The following APH1B variants were observed in gnomAD, a reference collection of about 807,000 sequenced individuals.
APH1B encodes gamma-secretase subunit APH-1B.
A neutral mutation model predicts 28.2 loss-of-function variants in APH1B; 27 were observed. That is an observed-to-expected ratio of 0.96 (90% confidence interval 0.70 to 1.32). The LOEUF is 1.32. APH1B is among the 40% of genes most tolerant of loss of function. The pLI is 0.00. For missense variants in APH1B, 305 were observed against 313.6 expected, an observed-to-expected ratio of 0.97 and a Z score of 0.21; for synonymous variants, 141 against 124.6, an observed-to-expected ratio of 1.13 and a Z score of -0.88.
In APH1B at chr15:63,279,289, A is replaced by G. The variant is rs748818637; in HGVS notation, c.242A>G (p.Tyr81Cys). The G allele has an allele frequency of 5.6e-6, 9 of 1,610,808 alleles. No homozygotes were observed. The highest frequency in any genetic ancestry group is 4.0e-5 in the African/African-American group (3 of 74,890). ...ATCTTTGGAGCGTTTGTCTCTGTCT[A>G]TATCCAAGAAATGTTCCGATTTGCA... is the stretch of plus-strand genomic sequence containing the variant. ...LLIFGAFVSVYIQEMFRFAYY... is the reference protein window; with the variant it reads ...LLIFGAFVSVCIQEMFRFAYY... The change falls in exon 2 of 6, where the codon TAT (tyrosine) becomes TGT (cysteine). Residue 81 changes from tyrosine to cysteine, a missense_variant. Tyr to Cys is a radical substitution (Grantham distance 194). Transcript: ENST00000261879.
chr15:63,299,332 C>T (rs1347860198), intron 4 of APH1B, among the ~76,000 whole-genome samples: 1 of 152,212 alleles, frequency 6.6e-6, no homozygotes, highest in Non-Finnish European at 1.5e-5. Context: ...TTGCCTAAAA[C>T]TCACAGTAAT....
chr15:63,300,016 A>G (rs1193324996), intron 4 of APH1B, among the ~76,000 whole-genome samples: 1 of 152,088 alleles, frequency 6.6e-6, no homozygotes, highest in Non-Finnish European at 1.5e-5. Flanking sequence ...TTCATATATT[A>G]TATGTGCATG....
chr15:63,307,171 T>TG lies in APH1B; in HGVS notation c.*1395dup, dbSNP rs1432753062. On this transcript the variant is annotated 3_prime_UTR_variant, in exon 6 of 6. Coordinates refer to ENST00000261879, the MANE Select transcript of APH1B (RefSeq NM_031301.4). ...GAGAGGAGCAGCAATCCTGAGGGGCTGGGGGAGTGACAGTGGCAGGACGGA... is the reference window on the plus strand; with the variant it reads ...GAGAGGAGCAGCAATCCTGAGGGGCTGGGGGGAGTGACAGTGGCAGGACGGA... 9 of 152,356 alleles carry TG rather than the reference T, an allele frequency of 5.9e-5. No individual in the cohort carries two copies. The highest frequency in any genetic ancestry group is 1.2e-4 in the Non-Finnish European group (8 of 68,046). 9.4% of individuals were successfully genotyped at this position (152,356 alleles called of 1,614,324 possible). A position where few individuals can be genotyped will look rare whatever the true frequency, so the allele number is the denominator to read the frequency against.
intron 2 of APH1B, among the ~76,000 whole-genome samples, chr15:63,281,653 A>G (rs1049562028): frequency 6.6e-6 from 1 of 151,974 alleles, no homozygotes; most frequent in Non-Finnish European, 1.5e-5. Flanking sequence ...GCTGTTCTTC[A>G]CTGCCTTGCA....
At chr15:63,303,208 C>A (rs2038651069) in intron 5 of APH1B, among the ~76,000 whole-genome samples, 2 of 152,176 alleles carry the variant, frequency 1.3e-5, no homozygotes, top group South Asian at 4.1e-4. Flanking sequence ...GTAACTAGCA[C>A]CTAGATGAAA....
intron 4 of APH1B, among the ~76,000 whole-genome samples, chr15:63,301,013 C>G (rs748194178): frequency 6.6e-6 from 1 of 152,208 alleles, no homozygotes; most frequent in African/African-American, 2.4e-5. Context: ...GTACGTTTCT[C>G]TAGAGCAATG....
Position 63,306,103 on chromosome 15 carries a change from C to T in APH1B, c.*322C>T, listed in dbSNP as rs201298219. 3.6e-4 allele frequency: 81 copies of T among 224,910 alleles called. 1 individual carries two copies. In the South Asian group the frequency reaches 5.6e-3, roughly 16 times the overall value. 13.9% of individuals were successfully genotyped at this position (224,910 alleles called of 1,614,324 possible). ...TCTGATGTGCAGCCATGTTGAGACC[C>T]ACTGGTTTGGTATCCAAATAGGAGC... On this transcript the variant is annotated 3_prime_UTR_variant, in exon 6 of 6. Coordinates refer to ENST00000261879, the MANE Select transcript of APH1B (RefSeq NM_031301.4).
In APH1B at chr15:63,304,070, G is replaced by A. The variant is rs999676928; in HGVS notation, c.607-1544G>A. On this transcript the variant is annotated intron_variant, in intron 5 of 5. Transcript: ENST00000261879. The surrounding 1 kb of genome is among the most constrained non-coding windows in gnomAD (Gnocchi z 5.1). Reference sequence around the variant, plus strand: ...ACCTCCTCACTGCATTCTCTTTATTGTTAGTCGTCCTGCTGGCTATGTCAT... The same window carrying A: ...ACCTCCTCACTGCATTCTCTTTATTATTAGTCGTCCTGCTGGCTATGTCAT... Among the ~76,000 whole-genome samples, 1 of 152,042 alleles carries A rather than the reference G, an allele frequency of 6.6e-6. No individual in the cohort carries two copies. The highest frequency in any genetic ancestry group is 2.4e-5 in the African/African-American group (1 of 41,378).
rs749408195 is a variant in APH1B at position 63,277,721 on chromosome 15, T to C, written c.98T>C (p.Ile33Thr). ...FTIATEPLRI[I>T]FLIAGAFFWL... ...ATCGCCACCGAGCCGTTGCGTATCATCTTCCTCATCGCCGGGTGAGGCGGT... is the reference window on the plus strand; with the variant it reads ...ATCGCCACCGAGCCGTTGCGTATCACCTTCCTCATCGCCGGGTGAGGCGGT... The change falls in exon 1 of 6, where the codon ATC becomes ACC. Residue 33 changes from isoleucine to threonine, a missense_variant. Physicochemically the swap from Ile to Thr is moderately conservative, Grantham distance 89. Transcript: ENST00000261879. 9 of 1,610,534 alleles carry C rather than the reference T, an allele frequency of 5.6e-6. No homozygotes were observed. The highest frequency in any genetic ancestry group is 7.6e-6 in the Non-Finnish European group (9 of 1,178,548).
chr15:63,296,456 G>A (rs573984063), intron 4 of APH1B, among the ~76,000 whole-genome samples: 1 of 152,190 alleles, frequency 6.6e-6, no homozygotes, highest in Non-Finnish European at 1.5e-5. Context: ...GAAGCTAGGT[G>A]ATGGCAGTTT....
rs758788727 is a variant in APH1B, at chr15:63,277,618, G to A, written c.-6G>A. ...ACGGGCCCCCGGGTCGGTTTCCGCG[G>A]TGGCCATGACTGCGGCCGTGTTCTT... On this transcript the variant is annotated 5_prime_UTR_variant, in exon 1 of 6. It adds an upstream start codon to the 5' untranslated region. Coordinates refer to ENST00000261879, the MANE Select transcript of APH1B (RefSeq NM_031301.4). 6.5e-7 allele frequency: 1 copy of A among 1,538,252 alleles called. No individual in the cohort carries two copies. The highest frequency in any genetic ancestry group is 1.2e-5 in the South Asian group (1 of 83,476).
At chr15:63,278,790 G>A (rs556541736) in intron 1 of APH1B, among the ~76,000 whole-genome samples, 1 of 152,296 alleles carries the variant, frequency 6.6e-6, no homozygotes, top group South Asian at 2.1e-4. Context: ...AGTAATCAGG[G>A]TTGTGTATTT....
chr15:63,286,234 A>G (rs2038443964), intron 2 of APH1B, among the ~76,000 whole-genome samples: 1 of 152,244 alleles, frequency 6.6e-6, no homozygotes, highest in South Asian at 2.1e-4. Context: ...ATATTGAATT[A>G]AATATTTGCC....
intron 3 of APH1B, 182 bp from the exon 4 acceptor site, chr15:63,287,242 C>T (rs1333197002): frequency 2.9e-5 from 20 of 686,114 alleles, no homozygotes; most frequent in African/African-American, 1.8e-5. Flanking sequence ...TTCCTCTTCC[C>T]GCTTCCCTCT....
chr15:63,281,544 AAAAAAAAC>A (rs1264281473), intron 2 of APH1B, among the ~76,000 whole-genome samples: 1 of 151,032 alleles, frequency 6.6e-6, no homozygotes, highest in African/African-American at 2.4e-5. Flanking sequence ...GAAAAAAAAA[AAAAAAAAC>A]AAAAAAAAAC....
rs1352728081 is a variant in APH1B, at chr15:63,287,497, AGGCACAGTG to A, written c.434_442del (p.Thr145_Gly147del). 17 of 1,613,920 alleles carry A rather than the reference AGGCACAGTG, an allele frequency of 1.1e-5. No individual in the cohort carries two copies. The highest frequency in any genetic ancestry group is 1.4e-5 in the Non-Finnish European group (17 of 1,179,884). On this transcript the variant is annotated inframe_deletion, in exon 4 of 6. Transcript: ENST00000261879. ...ATACCCTATCTGACTCCTTGGGGCCAGGCACAGTGGGCATTCATGGAGATTCTCCTCAAT... is the reference window on the plus strand; with the variant it reads ...ATACCCTATCTGACTCCTTGGGGCCAGGCATTCATGGAGATTCTCCTCAAT...
chr15:63,300,160 G>T (rs140671761), intron 4 of APH1B, among the ~76,000 whole-genome samples: 75 of 152,142 alleles, frequency 4.9e-4, no homozygotes, highest in Non-Finnish European at 8.8e-4. Context: ...ATCTGGTCAG[G>T]GGTCAAGAAG....
intron 4 of APH1B, among the ~76,000 whole-genome samples, chr15:63,291,204 G>A (rs1048605928): frequency 1.3e-5 from 2 of 152,126 alleles, no homozygotes; most frequent in Non-Finnish European, 2.9e-5. Flanking sequence ...TTTAGCGCTT[G>A]AGATGAGAAA....
rs1417611778 is a variant in APH1B, at chr15:63,308,924, T to C, written c.*3143T>C. Reference sequence around the variant, plus strand: ...ATTGCAGTGTTTGTTTCTTATTTAATAGGCTTTTTACTTCATTCTATTAAA... The same window carrying C: ...ATTGCAGTGTTTGTTTCTTATTTAACAGGCTTTTTACTTCATTCTATTAAA... On this transcript the variant is annotated 3_prime_UTR_variant, in exon 6 of 6. Coordinates refer to ENST00000261879, the MANE Select transcript of APH1B (RefSeq NM_031301.4). 6.6e-5 allele frequency: 10 copies of C among 152,376 alleles called. No homozygotes were observed. The highest frequency in any genetic ancestry group is 2.4e-4 in the African/African-American group (10 of 41,584). The allele number at this position is 152,376 out of a possible 1,614,324, so 9.4% of individuals were successfully genotyped here.
Sources: allele counts gnomAD v4.1 joint callset (sites outside exome capture counted in the v4.1 genomes callset), GRCh38; gene constraint gnomAD v4.1.1; non-coding constraint Gnocchi (gnomAD v3.1); transcripts MANE v1.5; gene names NCBI Gene and HGNC (gene_info 2026-07-23, HGNC 2026-07-21).